The following BMPER variants were observed in gnomAD, a reference collection of about 807,000 sequenced individuals.
BMPER encodes the protein BMP-binding endothelial regulator protein.
In BMPER, 45 loss-of-function variants were observed where a neutral mutation model predicts 87.3. The ratio of observed to expected loss-of-function variants is 0.52; its 90% CI spans 0.41 to 0.66. The LOEUF is 0.66. Among genes scored for constraint, BMPER ranks in the 30% least tolerant of loss-of-function variants. The pLI, the probability that BMPER is intolerant of heterozygous loss-of-function variation, is 0.00. For missense variants in BMPER, 784 were observed against 867.5 expected, an observed-to-expected ratio of 0.90 and a Z score of 1.21; for synonymous variants, 326 against 316.2, an observed-to-expected ratio of 1.03 and a Z score of -0.33.
At chr7:33,972,907 T>A (rs1287989881) in intron 5 of BMPER, among the ~76,000 whole-genome samples, 1 of 152,122 alleles carries the variant, frequency 6.6e-6, no homozygotes, top group Non-Finnish European at 1.5e-5. Context: ...TCTTTTGTCT[T>A]ATGAGGGAGG....
intron 11 of BMPER, among the ~76,000 whole-genome samples, chr7:34,069,070 A>G (rs1788673549): frequency 1.3e-5 from 2 of 152,234 alleles, no homozygotes; most frequent in South Asian, 2.1e-4. Flanking sequence ...ATAGAAAAAG[A>G]TATGCGAATT....
chr7:34,086,439 T>C (rs1789212499), intron 13 of BMPER, among the ~76,000 whole-genome samples: 1 of 152,218 alleles, frequency 6.6e-6, no homozygotes, highest in East Asian at 1.9e-4. Flanking sequence ...ACCACAGTAG[T>C]ACAAGGCAGA....
intron 5 of BMPER, among the ~76,000 whole-genome samples, chr7:33,972,668 G>A (rs1426397075): frequency 8.5e-5 from 13 of 152,094 alleles, no homozygotes. Flanking sequence ...TACCTCCCAT[G>A]CCCACACACA....
chr7:34,100,949 C>T (rs956550102), intron 13 of BMPER, among the ~76,000 whole-genome samples: 3 of 152,270 alleles, frequency 2.0e-5, no homozygotes, highest in East Asian at 3.9e-4. Context: ...CTATTCAAAT[C>T]GCCACTCTTG....
At chr7:34,056,561 C>CT (rs1476138816) in intron 9 of BMPER, among the ~76,000 whole-genome samples, 1 of 151,832 alleles carries the variant, frequency 6.6e-6, no homozygotes, top group Non-Finnish European at 1.5e-5. Context: ...GTCTCCAGAA[C>CT]ACCCAGATGA....
At chr7:33,956,816 A>C (rs1785159315) in intron 3 of BMPER, among the ~76,000 whole-genome samples, 1 of 152,224 alleles carries the variant, frequency 6.6e-6, no homozygotes, top group Admixed American at 6.5e-5. Flanking sequence ...GTGTTAATCA[A>C]CTATGTTATT....
chr7:34,132,692 A>G lies in BMPER; in HGVS notation c.1746-10538A>G, dbSNP rs549715087. 1.3e-4 allele frequency among the ~76,000 whole-genome samples: 20 copies of G among 152,256 alleles called. No homozygotes were observed. The South Asian group carries it at 3.7e-3, about 28-fold the overall frequency. Reference sequence around the variant, plus strand: ...TCATTTCTGGGCTGGGGGCTTTTAAAATACATATACTACCTAGTTTTGGGG... The same window carrying G: ...TCATTTCTGGGCTGGGGGCTTTTAAGATACATATACTACCTAGTTTTGGGG... On this transcript the variant is annotated intron_variant, in intron 13 of 14. Transcript: ENST00000649409.
intron 13 of BMPER, among the ~76,000 whole-genome samples, chr7:34,137,369 G>C (rs576657919): frequency 6.6e-6 from 1 of 152,368 alleles, no homozygotes; most frequent in African/African-American, 2.4e-5. Flanking sequence ...TGGAATTCAT[G>C]TCCTTCAGAT....
At chr7:33,981,277 T>A (rs529537567) in intron 6 of BMPER, among the ~76,000 whole-genome samples, 2 of 152,242 alleles carry the variant, frequency 1.3e-5, no homozygotes, top group South Asian at 4.1e-4. Context: ...ATGTGCCAAA[T>A]AAAGTTTGAG....
At chr7:34,079,237 G>A (rs752873406) in intron 12 of BMPER, 51 bp downstream of exon 12, 4 of 1,605,902 alleles carry the variant, frequency 2.5e-6, no homozygotes, top group Non-Finnish European at 2.6e-6. Context: ...TCACTTACCC[G>A]TTCAGCAGCA....
intron 2 of BMPER, among the ~76,000 whole-genome samples, chr7:33,909,291 A>T (rs1783896361): frequency 1.3e-5 from 2 of 152,292 alleles, no homozygotes; most frequent in African/African-American, 4.8e-5. Flanking sequence ...CTGCCTCTAG[A>T]GCACATGCCT....
At chr7:34,123,216 C>T (rs1170463410) in intron 13 of BMPER, among the ~76,000 whole-genome samples, 6 of 152,052 alleles carry the variant, frequency 3.9e-5, no homozygotes, top group African/African-American at 7.3e-5. Context: ...GGTAGAAGTA[C>T]TAAAATTATG....
Position 34,058,125 on chromosome 7 carries a change from C to G in BMPER, c.994C>G (p.Arg332Gly). Residue 332 changes from arginine to glycine, a missense_variant, in exon 10 of 15, where the codon CGC becomes GGC. Arg to Gly is a moderately radical substitution (Grantham distance 125). Transcript: ENST00000649409. ...TTGTGTGAAAGGCAGGACGGAGTGT[C>G]GCAATAAGCAGTGCATTCCCATCAG... ...CACVKGRTECRNKQCIPISSC... is the reference protein window; with the variant it reads ...CACVKGRTECGNKQCIPISSC... 1 of 1,614,074 alleles carries G rather than the reference C, an allele frequency of 6.2e-7. No homozygotes were observed. Among genetic ancestry groups the G allele is most frequent in the Non-Finnish European group, 8.5e-7 (1 of 1,179,988 alleles).
chr7:34,138,745 C>G (rs1404969330), intron 13 of BMPER, among the ~76,000 whole-genome samples: 2 of 152,198 alleles, frequency 1.3e-5, no homozygotes, highest in Admixed American at 1.3e-4. Flanking sequence ...ACCTGCAGAG[C>G]TTTCCTGGAA....
intron 6 of BMPER, among the ~76,000 whole-genome samples, chr7:34,022,147 C>A (rs1055278772): frequency 6.6e-6 from 1 of 152,048 alleles, no homozygotes; most frequent in Middle Eastern, 3.4e-3. Flanking sequence ...ACATGATGGG[C>A]CTTTTAGGAA....
At chr7:34,028,628 T>TTTTTTTTTTTTTTA in intron 6 of BMPER, among the ~76,000 whole-genome samples, 1 of 134,604 alleles carries the variant, frequency 7.4e-6, no homozygotes, top group Non-Finnish European at 1.6e-5. Flanking sequence ...TTTTTTTTTT[T>TTTTTTTTTTTTTTA]TTTTTGTAGC....
rs377280109 is a variant in BMPER at position 34,088,962 on chromosome 7, CTAT to C, written c.1745+2872_1745+2874del. 2.7e-3 allele frequency among the ~76,000 whole-genome samples: 411 copies of C among 152,202 alleles called. 2 individuals are homozygous for C. Among genetic ancestry groups the C allele is most frequent in the African/African-American group, 9.6e-3 (397 of 41,520 alleles). Reference sequence around the variant, plus strand: ...GATTGCATTGCAATCGTTTAAAAAACTATTGTTTTTTGTCTCATGAGAATGTCA... The same window carrying C: ...GATTGCATTGCAATCGTTTAAAAAACTGTTTTTTGTCTCATGAGAATGTCA... On this transcript the variant is annotated intron_variant, in intron 13 of 14. Coordinates refer to ENST00000649409, the MANE Select transcript of BMPER (RefSeq NM_001365308.1).
At chr7:34,131,313 G>T (rs1355980553) in intron 13 of BMPER, among the ~76,000 whole-genome samples, 3 of 152,156 alleles carry the variant, frequency 2.0e-5, no homozygotes, top group Admixed American at 1.3e-4. Context: ...AAAGGGCATT[G>T]AGTGTGAAAA....
intron 11 of BMPER, among the ~76,000 whole-genome samples, chr7:34,072,300 A>G (rs754495089): frequency 6.6e-5 from 10 of 151,832 alleles, no homozygotes; most frequent in Non-Finnish European, 1.0e-4. Flanking sequence ...ACAAATTACC[A>G]CTCACTGGCT....
Sources: gnomAD v4.1 joint callset for allele counts (sites outside exome capture counted in the v4.1 genomes callset) on GRCh38, gnomAD v4.1.1 for gene constraint, MANE v1.5 for transcripts, NCBI Gene and HGNC (gene_info 2026-07-23, HGNC 2026-07-21) for gene names.